The following NECAB2 variants were observed in gnomAD, a reference collection of about 807,000 sequenced individuals.
NECAB2 encodes N-terminal EF-hand calcium-binding protein 2.
Under a neutral mutation model 51.9 loss-of-function variants are expected in NECAB2, and 68 were observed. The ratio of observed to expected loss-of-function variants is 1.31; its 90% CI spans 1.08 to 1.60. The LOEUF is 1.60. Ranked by LOEUF, NECAB2 falls within the 40% of genes most tolerant of loss-of-function variation. The pLI is 0.00. For synonymous variants in NECAB2, 329 were observed against 203.5 expected (o/e 1.62, Z -5.25); for missense variants, 854 against 490.3 (o/e 1.74, Z -7.00).
chr16:83,992,958 A>G (rs981424089), intron 6 of NECAB2, among the ~76,000 whole-genome samples: 1 of 152,172 alleles, frequency 6.6e-6, no homozygotes, highest in East Asian at 1.9e-4. Context: ...CGCAGTTTTC[A>G]GGGCAGACTT....
chr16:83,997,025 C>T (rs1469741112), intron 8 of NECAB2, among the ~76,000 whole-genome samples, 191 bp from the exon 9 acceptor site: 1 of 150,474 alleles, frequency 6.6e-6, no homozygotes. Flanking sequence ...ATCCTCACCC[C>T]AGCAACATGT....
intron 5 of NECAB2, among the ~76,000 whole-genome samples, chr16:83,988,613 ACTCT>A (rs1228331267): frequency 6.6e-6 from 1 of 152,158 alleles, no homozygotes; most frequent in Non-Finnish European, 1.5e-5. Flanking sequence ...CATATGAAGA[ACTCT>A]CTCTAATTCA....
At position 84,000,721 on chromosome 16, in the gene NECAB2, C is replaced by G; in HGVS notation, c.963-3C>G. 1.2e-6 allele frequency: 2 copies of G among 1,613,590 alleles called. No homozygotes were observed. The highest frequency in any genetic ancestry group is 1.7e-6 in the Non-Finnish European group (2 of 1,179,736). On this transcript the variant is annotated splice_polypyrimidine_tract_variant and splice_region_variant and intron_variant, in intron 10 of 12. Transcript: ENST00000305202. ...TCCTCCCCCCGACCATCTCCTGTTGCAGCATCACTGCCGTGAGGCTCTCAG... is the reference window on the plus strand; with the variant it reads ...TCCTCCCCCCGACCATCTCCTGTTGGAGCATCACTGCCGTGAGGCTCTCAG...
chr16:83,974,081 G>C (rs1374183572), intron 2 of NECAB2, among the ~76,000 whole-genome samples: 1 of 152,024 alleles, frequency 6.6e-6, no homozygotes, highest in Non-Finnish European at 1.5e-5. Flanking sequence ...CCTTACTGCA[G>C]CCTCCTCAAA....
chr16:83,981,587 C>T (rs1447894367), intron 5 of NECAB2, among the ~76,000 whole-genome samples: 1 of 152,126 alleles, frequency 6.6e-6, no homozygotes, highest in East Asian at 1.9e-4. Flanking sequence ...GTTGCTGTCA[C>T]CTCCACTATC....
chr16:83,969,669 C>T (rs1205856094), intron 1 of NECAB2, among the ~76,000 whole-genome samples: 2 of 145,492 alleles, frequency 1.4e-5, no homozygotes, highest in Non-Finnish European at 3.0e-5. Flanking sequence ...CTTCAGGGGG[C>T]GGCTCGGAGG....
At chr16:83,966,167 CT>C, upstream of NECAB2, 2 of 631,760 alleles carry the variant, frequency 3.2e-6, no homozygotes, top group Non-Finnish European at 2.7e-6. Context: ...CTGCCCTGGA[CT>C]TAGACCAGTG....
chr16:84,001,050 T>C (rs1232051480), intron 11 of NECAB2, among the ~76,000 whole-genome samples: 1 of 152,096 alleles, frequency 6.6e-6, no homozygotes, highest in Admixed American at 6.5e-5. Flanking sequence ...TCTGTGCCCC[T>C]AGAGCACCTT....
At chr16:84,000,340 G>C (rs28545704) in intron 10 of NECAB2, among the ~76,000 whole-genome samples, 35 of 139,672 alleles carry the variant, frequency 2.5e-4, no homozygotes, top group African/African-American at 1.2e-3. Flanking sequence ...GACCAGCATG[G>C]GGAACATAGC....
chr16:83,985,238 G>A (rs1202873564), intron 5 of NECAB2, among the ~76,000 whole-genome samples: 2 of 145,298 alleles, frequency 1.4e-5, no homozygotes, highest in East Asian at 2.0e-4. Context: ...ACTTGAACCC[G>A]GGAGGTGGAG....
At chr16:84,000,931 C>A (rs925533901) in intron 11 of NECAB2, 130 bp downstream of exon 11, 6 of 863,998 alleles carry the variant, frequency 6.9e-6, no homozygotes, top group East Asian at 2.6e-5. Flanking sequence ...AGGCATCTAC[C>A]CGCTGGCATG....
intron 9 of NECAB2, 138 bp from the exon 10 acceptor site, chr16:83,998,067 C>A (rs1461710854): frequency 2.7e-6 from 2 of 731,082 alleles, no homozygotes; most frequent in Non-Finnish European, 2.2e-6. Flanking sequence ...CCATTCTTAT[C>A]CATTCATGGG....
intron 10 of NECAB2, among the ~76,000 whole-genome samples, chr16:83,999,615 G>A (rs1379260400): frequency 6.6e-6 from 1 of 152,094 alleles, no homozygotes; most frequent in Non-Finnish European, 1.5e-5. Flanking sequence ...GTCACTTGGG[G>A]CTTCCTCATT....
At chr16:83,997,291 C>G (rs1412032134) in intron 9 of NECAB2, 22 bp downstream of exon 9, 3 of 1,613,976 alleles carry the variant, frequency 1.9e-6, no homozygotes, top group Non-Finnish European at 2.5e-6. Context: ...TCCCACCTCT[C>G]TTCTGGGACC....
chr16:83,987,893 G>A (rs1300935791), intron 5 of NECAB2, among the ~76,000 whole-genome samples: 4 of 152,312 alleles, frequency 2.6e-5, no homozygotes, highest in African/African-American at 7.2e-5. Context: ...TGTAAGCATC[G>A]AAGTCCCCAT....
In NECAB2 at chr16:84,000,745, A is replaced by T; in HGVS notation, c.984A>T (p.Ser328=). The change falls in exon 11 of 13, where the codon TCA becomes TCT. Residue 328 remains serine, a synonymous_variant. Coordinates refer to ENST00000305202, the MANE Select transcript of NECAB2 (RefSeq NM_019065.3). ...NCFHITAVRL[S]DGFTFVIYEF... is the part of the protein sequence containing the mutation. Reference sequence around the variant, plus strand: ...GCAGCATCACTGCCGTGAGGCTCTCAGATGGCTTCACCTTTGTCATCTATG... The same window carrying T: ...GCAGCATCACTGCCGTGAGGCTCTCTGATGGCTTCACCTTTGTCATCTATG... 6.2e-7 allele frequency: 1 copy of T among 1,613,912 alleles called. No individual in the cohort carries two copies. Among genetic ancestry groups the T allele is most frequent in the Non-Finnish European group, 8.5e-7 (1 of 1,179,982 alleles).
In NECAB2 at chr16:83,968,469, C is replaced by T. The variant is rs888647861; in HGVS notation, c.-180C>T. ...GGGGCGGCGGGGAGCGGGCACGTGG[C>T]TCGGGGTCCGGCCGGCCCGCCCCCC... On this transcript the variant is annotated 5_prime_UTR_variant, in exon 1 of 13. Transcript: ENST00000305202. Among the ~76,000 whole-genome samples, 1 of 145,360 alleles carries T rather than the reference C, an allele frequency of 6.9e-6. No homozygotes were observed. Among genetic ancestry groups the T allele is most frequent in the Non-Finnish European group, 1.5e-5 (1 of 65,482 alleles).
intron 5 of NECAB2, among the ~76,000 whole-genome samples, chr16:83,985,891 T>C (rs1273949073): frequency 6.6e-6 from 1 of 152,230 alleles, no homozygotes; most frequent in African/African-American, 2.4e-5. Context: ...CTTGCAGAAT[T>C]AGCAGATCTG....
intron 5 of NECAB2, among the ~76,000 whole-genome samples, 195 bp downstream of exon 5, chr16:83,981,322 T>C (rs188774058): frequency 1.0e-3 from 155 of 152,116 alleles, no homozygotes; most frequent in African/African-American, 3.5e-3. Flanking sequence ...ATGGCTCTGG[T>C]TGGGAGCAGG....
Sources: gnomAD v4.1 joint callset for allele counts (sites outside exome capture counted in the v4.1 genomes callset) on GRCh38, gnomAD v4.1.1 for gene constraint, MANE v1.5 for transcripts, NCBI Gene and HGNC (gene_info 2026-07-23, HGNC 2026-07-21) for gene names.